The following HMCN1 variants were observed in gnomAD, a reference collection of about 807,000 sequenced individuals.
HMCN1 encodes hemicentin 1.
A neutral mutation model predicts 625.9 loss-of-function variants in HMCN1; 321 were observed. The observed-to-expected ratio is 0.51, with a 90% CI of 0.47 to 0.56. HMCN1 has a LOEUF of 0.56. HMCN1 is among the 20% of genes least tolerant of loss of function. The probability of loss-of-function intolerance (pLI) is 0.00; values close to 1 mark genes in which losing one functional copy is unlikely to be tolerated. For synonymous variants in HMCN1, 2,425 were observed against 2,417.6 expected, an observed-to-expected ratio of 1.00 and a Z score of -0.09; for missense variants, 6,588 against 6,887.3, an observed-to-expected ratio of 0.96 and a Z score of 1.54.
intron 90 of HMCN1, 66 bp from the exon 91 acceptor site, chr1:186,144,467 T>G: frequency 1.2e-6 from 2 of 1,611,212 alleles, no homozygotes; most frequent in Admixed American, 1.7e-5. Context: ...AAACTAACAA[T>G]GCCCAGAGTG....
Position 185,995,055 on chromosome 1 carries a change from C to T in HMCN1, c.3746C>T (p.Thr1249Ile). ...YTCVATNIAG[T>I]DETEITLHVQ... The stretch of plus-strand genomic sequence containing the variant: ...TGTGTTGCTACTAACATAGCAGGCA[C>T]TGATGAAACAGAGATAACGCTACAT... Residue 1249 changes from threonine to isoleucine, a missense_variant, in exon 24 of 107, where the codon ACT becomes ATT. Coordinates refer to ENST00000271588, the MANE Select transcript of HMCN1 (RefSeq NM_031935.3). 3 of 1,613,710 alleles carry T rather than the reference C, an allele frequency of 1.9e-6. No homozygotes were observed. The highest frequency in any genetic ancestry group is 2.5e-6 in the Non-Finnish European group (3 of 1,179,736).
chr1:185,914,580 C>T (rs1666598842), intron 6 of HMCN1, among the ~76,000 whole-genome samples: 1 of 151,982 alleles, frequency 6.6e-6, no homozygotes, highest in Admixed American at 6.6e-5. Flanking sequence ...TACTGTCTCT[C>T]TCCCCCCACC....
At chr1:186,145,965 T>G in intron 93 of HMCN1, 42 bp downstream of exon 93, 1 of 1,597,670 alleles carries the variant, frequency 6.3e-7, no homozygotes, top group Non-Finnish European at 8.6e-7. Flanking sequence ...TTTAGAGCCT[T>G]TGTGCAAATT....
At chr1:186,139,684 G>A (rs900028243) in intron 89 of HMCN1, among the ~76,000 whole-genome samples, 2 of 151,536 alleles carry the variant, frequency 1.3e-5, no homozygotes, top group African/African-American at 4.9e-5. Flanking sequence ...CATAATGTCG[G>A]TGGTGTCCTA....
chr1:186,115,138 C>T, intron 74 of HMCN1, 120 bp from the exon 75 acceptor site: 1 of 1,422,296 alleles, frequency 7.0e-7, no homozygotes. Flanking sequence ...TTTGCAGAGT[C>T]TTGTTTGCTC....
intron 36 of HMCN1, among the ~76,000 whole-genome samples, chr1:186,026,725 C>T (rs1205821242): frequency 1.3e-5 from 2 of 151,960 alleles, no homozygotes; most frequent in Admixed American, 1.3e-4. Context: ...CCCGGATCTC[C>T]CTAGGCTCAG....
intron 53 of HMCN1, among the ~76,000 whole-genome samples, chr1:186,076,193 G>A (rs538112884): frequency 6.6e-6 from 1 of 152,214 alleles, no homozygotes; most frequent in East Asian, 1.9e-4. Context: ...GGAGAGCAAA[G>A]CATAAACACA....
At chr1:186,052,494 C>T (rs1383812818) in intron 42 of HMCN1, among the ~76,000 whole-genome samples, 5 of 152,040 alleles carry the variant, frequency 3.3e-5, no homozygotes, top group African/African-American at 9.7e-5. Context: ...TTAGATGAAA[C>T]CCCTTGCCTC....
intron 1 of HMCN1, among the ~76,000 whole-genome samples, chr1:185,799,417 C>T (rs1237660935): frequency 6.6e-6 from 1 of 152,142 alleles, no homozygotes; most frequent in Non-Finnish European, 1.5e-5. Flanking sequence ...CTCTCAGCCC[C>T]AGAGTGGGGG....
At position 186,086,256 on chromosome 1, in the gene HMCN1, T is replaced by C. The variant is rs1418830217; in HGVS notation, c.8895T>C (p.Ser2965=). ...TATTTACTATTATAGTTCCTCCAAGTGTCATTGGTCCTAAATCTGAAAATC... is the reference window on the plus strand; with the variant it reads ...TATTTACTATTATAGTTCCTCCAAGCGTCATTGGTCCTAAATCTGAAAATC... ...YFNLNVHVPP[S]VIGPKSENLT... is the part of the protein sequence containing the mutation. The change falls in exon 58 of 107, where the codon AGT becomes AGC. Residue 2965 remains serine (S), a synonymous_variant. Coordinates refer to ENST00000271588, the MANE Select transcript of HMCN1 (RefSeq NM_031935.3). The C allele has an allele frequency of 1.6e-5, 25 of 1,611,354 alleles. No individual in the cohort carries two copies. The highest frequency in any genetic ancestry group is 2.2e-5 in the East Asian group (1 of 44,840).
chr1:186,035,598 C>G (rs1336732564), intron 36 of HMCN1, among the ~76,000 whole-genome samples: 1 of 151,898 alleles, frequency 6.6e-6, no homozygotes, highest in Admixed American at 6.6e-5. Context: ...TAGTGACATT[C>G]TATAGGTTTT....
chr1:186,039,191 C>T (rs1336318995), intron 38 of HMCN1, among the ~76,000 whole-genome samples, 186 bp downstream of exon 38: 1 of 152,188 alleles, frequency 6.6e-6, no homozygotes, highest in East Asian at 1.9e-4. Flanking sequence ...TCAATTTCCA[C>T]ATGCTGTTGA....
chr1:186,090,237 T>C (rs912752048), intron 63 of HMCN1, among the ~76,000 whole-genome samples: 2 of 151,956 alleles, frequency 1.3e-5, no homozygotes, highest in African/African-American at 2.4e-5. Context: ...ATAGAAACTA[T>C]TGGCTCTTCA....
intron 4 of HMCN1, among the ~76,000 whole-genome samples, chr1:185,875,418 T>C (rs745362872): frequency 6.6e-6 from 1 of 152,050 alleles, no homozygotes; most frequent in African/African-American, 2.4e-5. Context: ...ATGCCAGATT[T>C]TGGAATCTCT....
At chr1:185,861,580 G>A (rs1662870717) in intron 2 of HMCN1, among the ~76,000 whole-genome samples, 2 of 152,096 alleles carry the variant, frequency 1.3e-5, no homozygotes, top group Admixed American at 6.6e-5. Flanking sequence ...TACAAAATTG[G>A]CTGCAAGTAA....
chr1:185,997,483 G>A lies in HMCN1; in HGVS notation c.3833G>A (p.Arg1278Lys). 1 of 1,612,892 alleles carries A rather than the reference G, an allele frequency of 6.2e-7. No individual in the cohort carries two copies. Among genetic ancestry groups the A allele is most frequent in the South Asian group, 1.1e-5 (1 of 91,072 alleles). The change falls in exon 25 of 107, where the codon AGA becomes AAA. Residue 1278 changes from arginine (R) to lysine (K), a missense_variant. By Grantham distance (26) the Arg-to-Lys change is conservative. Coordinates refer to ENST00000271588, the MANE Select transcript of HMCN1 (RefSeq NM_031935.3). ...CCATATAACACTACTTTCCAAGAAA[G>A]AGTGGCCAATCAACGCATTGAATTT... ...EPPYNTTFQE[R>K]VANQRIEFPC...
intron 1 of HMCN1, among the ~76,000 whole-genome samples, chr1:185,767,558 C>T (rs546315812): frequency 1.3e-5 from 2 of 152,184 alleles, no homozygotes; most frequent in South Asian, 2.1e-4. Context: ...ATCTGTATTC[C>T]CCAGAGAATA....
chr1:186,186,475 T>G (rs1290036621), intron 105 of HMCN1, among the ~76,000 whole-genome samples: 1 of 152,128 alleles, frequency 6.6e-6, no homozygotes, highest in Non-Finnish European at 1.5e-5. Context: ...TGCAATGAGC[T>G]GAGATTGCAC....
intron 105 of HMCN1, among the ~76,000 whole-genome samples, chr1:186,183,942 AC>A (rs964976382): frequency 3.3e-5 from 5 of 152,150 alleles, no homozygotes; most frequent in Non-Finnish European, 7.4e-5. Flanking sequence ...TACCCCAGGC[AC>A]CAAGGAAGGC....
Sources: allele counts gnomAD v4.1 joint callset (sites outside exome capture counted in the v4.1 genomes callset), GRCh38; gene constraint gnomAD v4.1.1; transcripts MANE v1.5; gene names NCBI Gene and HGNC (gene_info 2026-07-23, HGNC 2026-07-21).